TOM1: variants seen among roughly 807,000 people sequenced by gnomAD.
TOM1 encodes the protein target of myb1 membrane trafficking protein.
A neutral mutation model predicts 61.3 loss-of-function variants in TOM1; 38 were observed. The observed-to-expected ratio is 0.62, with a 90% CI of 0.48 to 0.81. TOM1 has a LOEUF of 0.81. Ranked by LOEUF, TOM1 falls within the 40% of genes least tolerant of loss-of-function variation. The probability of loss-of-function intolerance (pLI) is 0.00; values close to 1 mark genes in which losing one functional copy is unlikely to be tolerated. For synonymous variants in TOM1, 270 were observed against 268.8 expected (o/e 1.00, Z -0.04); for missense variants, 591 against 659.6 (o/e 0.90, Z 1.14).
At chr22:35,318,036 G>A (rs1927460853) in intron 2 of TOM1, 75 bp downstream of exon 2, 2 of 1,332,232 alleles carry the variant, frequency 1.5e-6, no homozygotes, top group Admixed American at 1.7e-5. Context: ...CACCCTTCCA[G>A]GGAGCCCCTG....
rs563967703 is a variant in TOM1, at chr22:35,309,523, A to G, written c.53-8354A>G. On this transcript the variant is annotated intron_variant, in intron 1 of 14. Transcript: ENST00000449058. The stretch of plus-strand genomic sequence containing the variant: ...GCTGGATGTGGTGGTGGGCGCCTGT[A>G]ATCCCAGCTACCCTGGAGGCTGAGA... Among the ~76,000 whole-genome samples the G allele has an allele frequency of 7.9e-5, 12 of 152,144 alleles. No individual in the cohort carries two copies. In the South Asian group the frequency reaches 2.1e-3, roughly 26 times the overall value.
chr22:35,338,677 G>C lies in TOM1; in HGVS notation c.1149-36G>C. ...CCGTTCTTGCATCAGCCATCGGTAAGGGCAGCATCCAATGGCTTGGTGGTC... is the reference window on the plus strand; with the variant it reads ...CCGTTCTTGCATCAGCCATCGGTAACGGCAGCATCCAATGGCTTGGTGGTC... On this transcript the variant is annotated intron_variant, in intron 11 of 14. Coordinates refer to ENST00000449058, the MANE Select transcript of TOM1 (RefSeq NM_005488.3). 2.0e-6 allele frequency: 3 copies of C among 1,508,520 alleles called. No individual in the cohort carries two copies. The South Asian group carries it at 3.8e-5, about 19-fold the overall frequency. 93.4% of individuals were successfully genotyped at this position (1,508,520 alleles called of 1,614,324 possible).
intron 12 of TOM1, among the ~76,000 whole-genome samples, chr22:35,343,723 CAT>C (rs1374883693): frequency 7.0e-6 from 1 of 143,574 alleles, no homozygotes; most frequent in Non-Finnish European, 1.5e-5. Flanking sequence ...ACCACACACA[CAT>C]CTACACCCAC....
At chr22:35,300,016 T>C in intron 1 of TOM1, 36 bp downstream of exon 1, 1 of 1,552,728 alleles carries the variant, frequency 6.4e-7, no homozygotes, top group Non-Finnish European at 8.7e-7. Flanking sequence ...TCCGCCCCGG[T>C]GCTCCGCACC....
intron 3 of TOM1, chr22:35,322,424 C>A: frequency 4.2e-6 from 1 of 237,352 alleles, no homozygotes; most frequent in Non-Finnish European, 8.3e-6. Context: ...AAATAAATAC[C>A]AGTGGCTGAG....
chr22:35,299,879 C>A, upstream of TOM1: 1 of 1,556,112 alleles, frequency 6.4e-7, no homozygotes, highest in South Asian at 1.2e-5. Context: ...GTGGCGCTGG[C>A]GGTTGCTGTC....
chr22:35,326,754 C>A, intron 6 of TOM1, among the ~76,000 whole-genome samples: 1 of 143,550 alleles, frequency 7.0e-6, no homozygotes, highest in African/African-American at 2.6e-5. Flanking sequence ...AGGAGAGAGA[C>A]GGCGGGATCC....
chr22:35,337,002 G>C (rs1024334274), intron 11 of TOM1, among the ~76,000 whole-genome samples: 2 of 150,236 alleles, frequency 1.3e-5, no homozygotes, highest in Non-Finnish European at 3.0e-5. Context: ...GTGCAGTGGC[G>C]CTTGCAGAGT....
intron 1 of TOM1, among the ~76,000 whole-genome samples, chr22:35,300,268 A>G (rs1468667315): frequency 6.6e-6 from 1 of 152,244 alleles, no homozygotes; most frequent in Non-Finnish European, 1.5e-5. Flanking sequence ...GGGGTCCCCA[A>G]TCGAGGGAGA....
chr22:35,336,384 G>A (rs972371414), intron 11 of TOM1, among the ~76,000 whole-genome samples: 2 of 152,150 alleles, frequency 1.3e-5, no homozygotes, highest in African/African-American at 4.8e-5. Context: ...TACCTGCCTG[G>A]CTCCCCACTT....
rs1930448546 is a variant in TOM1 at position 35,345,746 on chromosome 22, C to T, written c.1246C>T (p.Leu416Phe). 1.2e-6 allele frequency: 2 copies of T among 1,614,044 alleles called. No homozygotes were observed. The highest frequency in any genetic ancestry group is 3.3e-5 in the Admixed American group (2 of 60,006). The change falls in exon 13 of 15, where the codon CTC becomes TTC. Residue 416 changes from leucine (L) to phenylalanine (F), a missense_variant. Transcript: ENST00000449058. ...TGAIPVTQAC[L>F]MEDIEQWLST... ...CCAGATCCCAGTCACCCAGGCCTGC[C>T]TCATGGAGGACATCGAGCAGTGGCT...
chr22:35,318,466 G>A lies in TOM1; in HGVS notation c.137+505G>A, dbSNP rs530243631. ...AACCGTGAGCCTGAACAGCACTGGC[G>A]TTTGCCGGGCGTTTCTGGTGTTGGG... On this transcript the variant is annotated intron_variant, in intron 2 of 14. Coordinates refer to ENST00000449058, the MANE Select transcript of TOM1 (RefSeq NM_005488.3). 28 of 161,714 alleles carry A rather than the reference G, an allele frequency of 1.7e-4. No individual in the cohort carries two copies. The East Asian group carries it at 4.2e-3, about 24-fold the overall frequency. 10.0% of individuals were successfully genotyped at this position (161,714 alleles called of 1,614,324 possible).
intron 2 of TOM1, among the ~76,000 whole-genome samples, chr22:35,320,988 A>G (rs942152847): frequency 3.4e-5 from 2 of 58,170 alleles, no homozygotes; most frequent in Admixed American, 1.8e-4. Flanking sequence ...TCTCAGAAGG[A>G]AAAAAAAAAA....
intron 11 of TOM1, among the ~76,000 whole-genome samples, chr22:35,336,015 G>A (rs1480130043): frequency 2.0e-5 from 3 of 152,100 alleles, no homozygotes; most frequent in Non-Finnish European, 4.4e-5. Flanking sequence ...GAGGGTGGTG[G>A]GGCCCACTGG....
intron 2 of TOM1, among the ~76,000 whole-genome samples, chr22:35,320,437 C>A (rs1257100964): frequency 1.3e-5 from 2 of 152,094 alleles, no homozygotes; most frequent in Non-Finnish European, 2.9e-5. Flanking sequence ...CTTCCAGGGG[C>A]CTCCCAACAC....
rs1000091351 is a variant in TOM1, at chr22:35,322,691, C to G, written c.217-337C>G. On this transcript the variant is annotated intron_variant, in intron 3 of 14. Coordinates refer to ENST00000449058, the MANE Select transcript of TOM1 (RefSeq NM_005488.3). ...CAGGCTCACCAGTCGATTGACATCT[C>G]AGATGCTCCTTGATTTCCTCTTGGA... is the stretch of plus-strand genomic sequence containing the variant. The G allele has an allele frequency of 1.9e-5, 5 of 260,994 alleles. No homozygotes were observed. The East Asian group carries it at 2.7e-4, about 14-fold the overall frequency. 16.2% of individuals were successfully genotyped at this position (260,994 alleles called of 1,614,324 possible).
At chr22:35,342,848 C>G (rs1457402067) in intron 12 of TOM1, among the ~76,000 whole-genome samples, 1 of 145,220 alleles carries the variant, frequency 6.9e-6, no homozygotes, top group Non-Finnish European at 1.5e-5. Context: ...CACACCACAC[C>G]TACACACTCA....
rs1445974442 is a variant in TOM1, at chr22:35,346,976, G to A, written c.1324+7G>A. ...AAGGGGGTCACCAGCGAAGGTAGTA[G>A]TCCCCGCCCCTGCCCGCCCTCTCCT... On this transcript the variant is annotated splice_region_variant and intron_variant, in intron 14 of 14. Transcript: ENST00000449058. 6.2e-7 allele frequency: 1 copy of A among 1,612,662 alleles called. No individual in the cohort carries two copies.
chr22:35,333,759 C>T (rs948734219), intron 10 of TOM1, among the ~76,000 whole-genome samples: 2 of 152,166 alleles, frequency 1.3e-5, no homozygotes, highest in African/African-American at 4.8e-5. Flanking sequence ...TTCTCCATGG[C>T]TTCAATCATC....
Sources: allele counts gnomAD v4.1 joint callset (sites outside exome capture counted in the v4.1 genomes callset), GRCh38; gene constraint gnomAD v4.1.1; transcripts MANE v1.5; gene names NCBI Gene and HGNC (gene_info 2026-07-23, HGNC 2026-07-21).